Variants in TRPM7 observed in about 807,000 individuals in gnomAD.
TRPM7 encodes the protein transient receptor potential cation channel subfamily M member 7, also known as LTRPC ion channel family member 7.
In TRPM7, 134 loss-of-function variants were observed where a neutral mutation model predicts 229.7. The observed-to-expected ratio is 0.58, with a 90% CI of 0.51 to 0.67. TRPM7 has a LOEUF of 0.67. Among genes scored for constraint, TRPM7 ranks in the 30% least tolerant of loss-of-function variants. The probability of loss-of-function intolerance (pLI) is 0.00; values close to 1 mark genes in which losing one functional copy is unlikely to be tolerated. For synonymous variants in TRPM7, 699 were observed against 715.2 expected (o/e 0.98, Z 0.36); for missense variants, 1,901 against 2,210.0 (o/e 0.86, Z 2.80).
Position 50,605,163 on chromosome 15 carries a change from C to CAAA in TRPM7, c.2710-22_2710-20dup. On this transcript the variant is annotated intron_variant, in intron 20 of 38. Transcript: ENST00000646667. ...TAAAGATCTAAAGGTTTAACAACAA[C>CAAA]AAAAAAAAGTGTAATCAGTTTATTC... 1 of 1,542,934 alleles carries CAAA rather than the reference C, an allele frequency of 6.5e-7. No homozygotes were observed. The highest frequency in any genetic ancestry group is 2.1e-4 in the Middle Eastern group (1 of 4,666).
intron 1 of TRPM7, among the ~76,000 whole-genome samples, chr15:50,674,499 A>C (rs984401245): frequency 2.0e-5 from 3 of 152,018 alleles, no homozygotes; most frequent in Non-Finnish European, 2.9e-5. Context: ...ATCCCTTAAC[A>C]AATTATTGTT....
intron 7 of TRPM7, among the ~76,000 whole-genome samples, chr15:50,636,482 C>A (rs185307394): frequency 6.6e-6 from 1 of 152,298 alleles, no homozygotes; most frequent in Non-Finnish European, 1.5e-5. Context: ...TGAGCCAGCA[C>A]GCCCAGCCCA....
intron 1 of TRPM7, among the ~76,000 whole-genome samples, chr15:50,667,922 T>C (rs764852558): frequency 6.6e-6 from 1 of 152,192 alleles, no homozygotes; most frequent in Admixed American, 6.5e-5. Context: ...ATGTTATTGG[T>C]ATGTGTTCCA....
At chr15:50,626,135 T>C (rs2060552318) in intron 11 of TRPM7, among the ~76,000 whole-genome samples, 1 of 152,204 alleles carries the variant, frequency 6.6e-6, no homozygotes, top group African/African-American at 2.4e-5. Context: ...CTGATTCTTA[T>C]TATAACTGCA....
chr15:50,570,310 G>A (rs1404497880), intron 36 of TRPM7, among the ~76,000 whole-genome samples, 155 bp from the exon 37 acceptor site: 1 of 152,030 alleles, frequency 6.6e-6, no homozygotes, highest in Non-Finnish European at 1.5e-5. Context: ...CTTCTCTTTT[G>A]ATATTTCATA....
intron 10 of TRPM7, among the ~76,000 whole-genome samples, chr15:50,631,193 T>G (rs2060718596): frequency 6.6e-6 from 1 of 152,164 alleles, no homozygotes; most frequent in Non-Finnish European, 1.5e-5. Context: ...GCTAAAAACT[T>G]TTATTTTTTA....
intron 11 of TRPM7, among the ~76,000 whole-genome samples, chr15:50,624,797 GAAAAACCAGTAATTCTGCCTTACA>G (rs1430884540): frequency 6.6e-6 from 1 of 152,158 alleles, no homozygotes; most frequent in Admixed American, 6.5e-5. Context: ...GTTTATGACT[GAAAAACCAGTAATTCTGCCTTACA>G]AATGAACACA....
intron 3 of TRPM7, among the ~76,000 whole-genome samples, chr15:50,650,696 A>G (rs1198843440): frequency 1.4e-5 from 2 of 144,724 alleles, no homozygotes; most frequent in Admixed American, 6.9e-5. Context: ...CTGGGTCTCA[A>G]AAAAAACAAA....
chr15:50,673,334 T>C (rs185160423), intron 1 of TRPM7, among the ~76,000 whole-genome samples: 29 of 152,308 alleles, frequency 1.9e-4, no homozygotes, highest in African/African-American at 6.5e-4. Context: ...GTTAGTTCTT[T>C]AGTGGTGACT....
At chr15:50,672,005 G>A (rs1226637922) in intron 1 of TRPM7, among the ~76,000 whole-genome samples, 1 of 152,136 alleles carries the variant, frequency 6.6e-6, no homozygotes, top group Non-Finnish European at 1.5e-5. Context: ...GTATTTACTA[G>A]ACTACGCTTT....
rs2053193183 is a variant in TRPM7 at position 50,558,055 on chromosome 15, G to C, written c.*3623C>G. On this transcript the variant is annotated 3_prime_UTR_variant, in exon 39 of 39. Transcript: ENST00000646667. ...GCAAATGACACTTTCACATCATAGG[G>C]TAGTAATAATGAACTTTAATAATCT... 1 of 152,194 alleles carries C rather than the reference G, an allele frequency of 6.6e-6. No individual in the cohort carries two copies. The highest frequency in any genetic ancestry group is 2.1e-4 in the South Asian group (1 of 4,830). 9.4% of individuals were successfully genotyped at this position (152,194 alleles called of 1,614,324 possible).
At position 50,679,520 on chromosome 15, in the gene TRPM7, ATATATATATATATATATAT is replaced by A. The variant is rs1567129281; in HGVS notation, c.3+6992_3+7010del. Among the ~76,000 whole-genome samples the A allele has an allele frequency of 5.1e-3, 95 of 18,760 alleles. 5 individuals carry two copies. The highest frequency in any genetic ancestry group is 0.012 in the African/African-American group (92 of 7,550). 12.3% of individuals were successfully genotyped at this position (18,760 alleles called of 152,430 possible). ...ATATGTGTATATATATAATATATAT[ATATATATATATATATATAT>A]TTTTTTTTTTTTTTGAGACAGAGTC... is the stretch of plus-strand genomic sequence containing the variant. On this transcript the variant is annotated intron_variant, in intron 1 of 38. Coordinates refer to ENST00000646667, the MANE Select transcript of TRPM7 (RefSeq NM_017672.6).
chr15:50,639,613 A>G, intron 5 of TRPM7, 65 bp from the exon 6 acceptor site: 1 of 1,492,424 alleles, frequency 6.7e-7, no homozygotes, highest in South Asian at 1.2e-5. Flanking sequence ...GTCACCCAGG[A>G]AAGAGAGCAG....
intron 7 of TRPM7, among the ~76,000 whole-genome samples, chr15:50,635,388 A>G (rs2060864447): frequency 6.7e-6 from 1 of 149,604 alleles, no homozygotes; most frequent in Non-Finnish European, 1.5e-5. Context: ...AAAAAGAAAA[A>G]AGAAATGGCT....
intron 12 of TRPM7, among the ~76,000 whole-genome samples, chr15:50,620,281 A>C (rs2060351874): frequency 6.6e-6 from 1 of 151,292 alleles, no homozygotes; most frequent in South Asian, 2.1e-4. Context: ...CTTTCTTAAA[A>C]CATAGAGTTT....
intron 11 of TRPM7, 62 bp downstream of exon 11, chr15:50,628,087 C>A (rs754297530): frequency 1.6e-4 from 190 of 1,224,460 alleles, no homozygotes; most frequent in Non-Finnish European, 2.2e-4. Flanking sequence ...ACAGTTCCCG[C>A]AAATACTTTT....
chr15:50,664,515 A>G (rs371061499), intron 1 of TRPM7, among the ~76,000 whole-genome samples: 1 of 152,164 alleles, frequency 6.6e-6, no homozygotes, highest in South Asian at 2.1e-4. Flanking sequence ...GTTATTACAA[A>G]CGTTAAATCT....
intron 4 of TRPM7, among the ~76,000 whole-genome samples, chr15:50,644,675 T>G (rs2061206390): frequency 6.6e-6 from 1 of 151,626 alleles, no homozygotes; most frequent in Admixed American, 6.6e-5. Flanking sequence ...TGAGTGCTTG[T>G]AATCCCAGCT....
Position 50,675,226 on chromosome 15 carries a change from TC to T in TRPM7, c.3+11304del, listed in dbSNP as rs559963520. ...GGCATGGTGGCGGGCACCTGTAACC[TC>T]AGCTACTCAGAAGGCTGAGGCAGGA... is the stretch of plus-strand genomic sequence containing the variant. On this transcript the variant is annotated intron_variant, in intron 1 of 38. Transcript: ENST00000646667. 1.1e-4 allele frequency among the ~76,000 whole-genome samples: 17 copies of T among 151,572 alleles called. No homozygotes were observed. In the South Asian group the frequency reaches 2.9e-3, roughly 26 times the overall value.
Sources: allele counts gnomAD v4.1 joint callset (sites outside exome capture counted in the v4.1 genomes callset), GRCh38; gene constraint gnomAD v4.1.1; transcripts MANE v1.5; gene names NCBI Gene and HGNC (gene_info 2026-07-23, HGNC 2026-07-21).